Variants in TUBB1 observed in about 807,000 individuals in gnomAD.
The protein encoded by TUBB1 is tubulin beta-1 chain.
In TUBB1, 28 loss-of-function variants were observed where a neutral mutation model predicts 22.6. That is an observed-to-expected ratio of 1.24 (90% CI 0.92 to 1.70). TUBB1 has a LOEUF of 1.70. Among genes scored for constraint, TUBB1 ranks in the 40% most tolerant of loss-of-function variants. The pLI is 0.00. For missense variants in TUBB1, 577 were observed against 605.5 expected (o/e 0.95, Z 0.49); for synonymous variants, 226 against 238.0 (o/e 0.95, Z 0.46).
chr20:59,024,978 T>G lies in TUBB1; in HGVS notation c.*195T>G. The G allele has an allele frequency of 1.6e-6, 1 of 637,296 alleles. No individual in the cohort carries two copies. Among genetic ancestry groups the G allele is most frequent in the South Asian group, 1.8e-5 (1 of 56,086 alleles). 39.5% of individuals were successfully genotyped at this position (637,296 alleles called of 1,614,324 possible). A position where few individuals can be genotyped will look rare whatever the true frequency, so the allele number is the denominator to read the frequency against. On this transcript the variant is annotated 3_prime_UTR_variant, in exon 4 of 4. Transcript: ENST00000217133. This position sits in a 1 kb window ranked among gnomAD's most constrained non-coding sequence, Gnocchi z 4.9. ...AGGCATTAGGGTCTTTGCTGACATC[T>G]ACTAACCTTGAAGAGTTTGATGTTC...
chr20:59,017,019 C>T (rs1416663963), upstream of TUBB1, among the ~76,000 whole-genome samples: 1 of 146,840 alleles, frequency 6.8e-6, no homozygotes, highest in East Asian at 1.9e-4. Context: ...TACCACTTTG[C>T]CCCTTTGCTG....
At chr20:59,021,764 G>A (rs2146374679) in intron 1 of TUBB1, among the ~76,000 whole-genome samples, 1 of 152,314 alleles carries the variant, frequency 6.6e-6, no homozygotes, top group South Asian at 2.1e-4. Flanking sequence ...GGAGGCCGAG[G>A]CAGGTGCATC....
At position 59,026,535 on chromosome 20, in the gene TUBB1, CTT is replaced by C. The variant is rs1156554769; in HGVS notation, c.*1753_*1754del. The C allele has an allele frequency of 1.3e-5, 2 of 152,294 alleles. No homozygotes were observed. The highest frequency in any genetic ancestry group is 3.9e-4 in the East Asian group (2 of 5,188). The allele number at this position is 152,294 out of a possible 1,614,324, so 9.4% of individuals were successfully genotyped here. A position where few individuals can be genotyped will look rare whatever the true frequency, so the allele number is the denominator to read the frequency against. On this transcript the variant is annotated 3_prime_UTR_variant, in exon 4 of 4. Coordinates refer to ENST00000217133, the MANE Select transcript of TUBB1 (RefSeq NM_030773.4). ...AAACCTTTTAAAAAACTTTTGCTGA[CTT>C]ATATTACTGTAAAGATTTGTTTGCT...
intron 1 of TUBB1, 148 bp from the exon 2 acceptor site, chr20:59,022,697 C>T (rs2091973061): frequency 1.4e-6 from 1 of 728,890 alleles, no homozygotes. Context: ...GCGAATGATG[C>T]CATGGTTATT....
intron 2 of TUBB1, among the ~76,000 whole-genome samples, chr20:59,023,160 C>T (rs989058313): frequency 1.3e-5 from 2 of 152,204 alleles, no homozygotes; most frequent in African/African-American, 4.8e-5. Context: ...ATATGGCACA[C>T]ACCTTAACAC....
chr20:59,024,597 A>C lies in TUBB1; in HGVS notation c.1170A>C (p.Lys390Asn). ...CTGAGCATTTCTCAGCCATGTTCAA[A>C]AGGAAAGCTTTTGTGCACTGGTACA... ...RVSEHFSAMF[K>N]RKAFVHWYTS... Residue 390 changes from lysine to asparagine, a missense_variant, in exon 4 of 4, where the codon AAA becomes AAC. By Grantham distance (94) the Lys-to-Asn change is moderately conservative. Coordinates refer to ENST00000217133, the MANE Select transcript of TUBB1 (RefSeq NM_030773.4). This position sits in a 1 kb window ranked among gnomAD's most constrained non-coding sequence, Gnocchi z 4.9. 6.2e-7 allele frequency: 1 copy of C among 1,614,186 alleles called. No homozygotes were observed. Among genetic ancestry groups the C allele is most frequent in the Non-Finnish European group, 8.5e-7 (1 of 1,180,030 alleles).
chr20:59,020,137 C>T (rs2091961345), intron 1 of TUBB1, among the ~76,000 whole-genome samples: 1 of 152,172 alleles, frequency 6.6e-6, no homozygotes, highest in Non-Finnish European at 1.5e-5. Context: ...CCTCAGGCTT[C>T]CAAAGTGGTG....
At chr20:59,021,185 C>T (rs1254673878) in intron 1 of TUBB1, among the ~76,000 whole-genome samples, 1 of 152,152 alleles carries the variant, frequency 6.6e-6, no homozygotes, top group Non-Finnish European at 1.5e-5. Flanking sequence ...TGCTCTGAAG[C>T]TGGAAGATAA....
At chr20:59,018,556 T>C (rs1833323701), upstream of TUBB1, among the ~76,000 whole-genome samples, 1 of 152,226 alleles carries the variant, frequency 6.6e-6, no homozygotes, top group East Asian at 1.9e-4. Context: ...TACATGTGTG[T>C]GCCACCACAC....
At chr20:59,020,279 G>A (rs1217918255) in intron 1 of TUBB1, among the ~76,000 whole-genome samples, 3 of 152,110 alleles carry the variant, frequency 2.0e-5, no homozygotes, top group African/African-American at 7.2e-5. Flanking sequence ...CCACCTCCTG[G>A]GTTCAAGTGA....
At position 59,026,304 on chromosome 20, in the gene TUBB1, T is replaced by G. The variant is rs193227473; in HGVS notation, c.*1521T>G. The G allele has an allele frequency of 7.2e-5, 11 of 152,354 alleles. No individual in the cohort carries two copies. In the East Asian group the frequency reaches 1.5e-3, roughly 21 times the overall value. 9.4% of individuals were successfully genotyped at this position (152,354 alleles called of 1,614,324 possible). On this transcript the variant is annotated 3_prime_UTR_variant, in exon 4 of 4. Transcript: ENST00000217133. ...TTCAAAAAACACAAAACAACATTCA[T>G]GTTTTAAATGCTTTCTACTTGTGGT...
chr20:59,023,501 G>A lies in TUBB1; in HGVS notation c.178G>A (p.Val60Met), dbSNP rs1601238306. Residue 60 changes from valine (V) to methionine (M), a missense_variant, in exon 3 of 4, where the codon GTG becomes ATG. Physicochemically the swap from Val to Met is conservative, Grantham distance 21 (BLOSUM62 1). Coordinates refer to ENST00000217133, the MANE Select transcript of TUBB1 (RefSeq NM_030773.4). ...ATTTTTCTACACAGGTAGGAAATAT[G>A]TGCCCCGAGCAGTCTTGGTGGACCT... ...YYNEAYGRKY[V>M]PRAVLVDLEP... 1 of 1,614,060 alleles carries A rather than the reference G, an allele frequency of 6.2e-7. No individual in the cohort carries two copies. Among genetic ancestry groups the A allele is most frequent in the East Asian group, 2.2e-5 (1 of 44,888 alleles).
intron 1 of TUBB1, among the ~76,000 whole-genome samples, chr20:59,020,375 G>C (rs1224574483): frequency 6.6e-6 from 1 of 152,208 alleles, no homozygotes; most frequent in African/African-American, 2.4e-5. Flanking sequence ...GTAGAGATGG[G>C]GTTTCACCAT....
chr20:59,019,272 G>A, upstream of TUBB1: 1 of 581,260 alleles, frequency 1.7e-6, no homozygotes. Context: ...ATTCTGTGTT[G>A]AGGGAGGAAA....
chr20:59,019,687 A>T, intron 1 of TUBB1, 108 bp downstream of exon 1: 2 of 1,161,546 alleles, frequency 1.7e-6, no homozygotes, highest in Non-Finnish European at 2.6e-6. Flanking sequence ...AGCAGATTTA[A>T]TGTACTTGCT....
At position 59,019,473 on chromosome 20, in the gene TUBB1, T is replaced by C. The variant is rs2091958232; in HGVS notation, c.-50T>C. The C allele has an allele frequency of 1.2e-6, 2 of 1,606,200 alleles. No homozygotes were observed. The highest frequency in any genetic ancestry group is 2.7e-5 in the African/African-American group (2 of 74,892). On this transcript the variant is annotated 5_prime_UTR_variant, in exon 1 of 4. Transcript: ENST00000217133. ...ACCAGTGAACCGAAGCTCTGGATTC[T>C]GAGAGTCTGAGGATTCCGTGAAGAT...
At chr20:59,020,981 T>C (rs1011174549) in intron 1 of TUBB1, among the ~76,000 whole-genome samples, 3 of 152,368 alleles carry the variant, frequency 2.0e-5, no homozygotes, top group Middle Eastern at 3.4e-3. Context: ...CATCCATCAA[T>C]GACACTTGGG....
chr20:59,019,276 G>C, upstream of TUBB1: 1 of 586,586 alleles, frequency 1.7e-6, no homozygotes, highest in East Asian at 2.9e-5. Context: ...TGTGTTGAGG[G>C]AGGAAAAACA....
At chr20:59,021,888 G>A (rs2091968713) in intron 1 of TUBB1, among the ~76,000 whole-genome samples, 1 of 152,102 alleles carries the variant, frequency 6.6e-6, no homozygotes, top group Non-Finnish European at 1.5e-5. Context: ...CCAGCTACTT[G>A]AGAGGCTGAG....
Sources: allele counts gnomAD v4.1 joint callset (sites outside exome capture counted in the v4.1 genomes callset), GRCh38; gene constraint gnomAD v4.1.1; non-coding constraint Gnocchi (gnomAD v3.1); transcripts MANE v1.5; gene names NCBI Gene and HGNC (gene_info 2026-07-23, HGNC 2026-07-21).